Variants in SMYD3 observed in about 807,000 individuals in gnomAD.
SMYD3 encodes histone-lysine N-methyltransferase SMYD3.
A neutral mutation model predicts 57.7 loss-of-function variants in SMYD3; 36 were observed. The ratio of observed to expected loss-of-function variants is 0.62; its 90% CI spans 0.48 to 0.82. The LOEUF is 0.82. Ranked by LOEUF, SMYD3 falls within the 40% of genes least tolerant of loss-of-function variation. The pLI is 0.00. For missense variants in SMYD3, 515 were observed against 538.8 expected (o/e 0.96, Z 0.44); for synonymous variants, 211 against 195.0 (o/e 1.08, Z -0.68).
chr1:246,205,735 GC>G (rs1188305523), intron 5 of SMYD3, among the ~76,000 whole-genome samples: 1 of 146,056 alleles, frequency 6.8e-6, no homozygotes, highest in Admixed American at 6.6e-5. Context: ...CAGGAGAATC[GC>G]TTGAACCCAG....
chr1:245,994,905 T>C (rs1490958727), intron 5 of SMYD3, among the ~76,000 whole-genome samples: 1 of 151,836 alleles, frequency 6.6e-6, no homozygotes, highest in African/African-American at 2.4e-5. Flanking sequence ...GGTGGGTGGA[T>C]CACAAGGTCA....
chr1:246,325,430 T>C (rs957910401), intron 5 of SMYD3, among the ~76,000 whole-genome samples: 1 of 152,034 alleles, frequency 6.6e-6, no homozygotes, highest in African/African-American at 2.4e-5. Context: ...ATCTGATTAT[T>C]AACCTATATT....
chr1:246,275,854 T>C (rs1458441794), intron 5 of SMYD3, among the ~76,000 whole-genome samples: 1 of 151,784 alleles, frequency 6.6e-6, no homozygotes, highest in Non-Finnish European at 1.5e-5. Flanking sequence ...GAATACTAAC[T>C]CTGTTTTTTA....
At chr1:246,095,871 T>C (rs1306123542) in intron 5 of SMYD3, among the ~76,000 whole-genome samples, 1 of 152,112 alleles carries the variant, frequency 6.6e-6, no homozygotes, top group East Asian at 1.9e-4. Context: ...CAAGACCCTG[T>C]GTCAAAAAAA....
rs201426225 is a variant in SMYD3, at chr1:245,812,700, C to CAAAAAAAAAAAAAAAAAAAAAAA, written c.1076+45795_1076+45796insTTTTTTTTTTTTTTTTTTTTTTT. Reference sequence around the variant, plus strand: ...AAATTCTTACTTCTAAACAACAGTTCCAAAAAAAAAAAAAAAGAGAAAGAG... The same window carrying CAAAAAAAAAAAAAAAAAAAAAAA: ...AAATTCTTACTTCTAAACAACAGTTCAAAAAAAAAAAAAAAAAAAAAAACAAAAAAAAAAAAAAAGAGAAAGAG... On this transcript the variant is annotated intron_variant, in intron 10 of 11. Transcript: ENST00000490107. Among the ~76,000 whole-genome samples, 6 of 46,586 alleles carry CAAAAAAAAAAAAAAAAAAAAAAA rather than the reference C, an allele frequency of 1.3e-4. 1 individual carries two copies. Among genetic ancestry groups the CAAAAAAAAAAAAAAAAAAAAAAA allele is most frequent in the Admixed American group, 5.9e-4 (3 of 5,124 alleles). 30.6% of individuals were successfully genotyped at this position (46,586 alleles called of 152,430 possible).
chr1:246,270,824 G>A (rs2185354), intron 5 of SMYD3, among the ~76,000 whole-genome samples: 50,745 of 152,000 alleles, frequency 0.33, 9,344 homozygotes, highest in East Asian at 0.72. Flanking sequence ...ATTCTTTTGG[G>A]TACATACACA....
intron 5 of SMYD3, among the ~76,000 whole-genome samples, chr1:246,135,411 T>G (rs1451327901): frequency 6.6e-6 from 1 of 152,152 alleles, no homozygotes; most frequent in East Asian, 1.9e-4. Flanking sequence ...TGTTCTAAAA[T>G]GACAGAGGGG....
At chr1:246,185,808 G>T (rs572344426) in intron 5 of SMYD3, among the ~76,000 whole-genome samples, 1 of 152,236 alleles carries the variant, frequency 6.6e-6, no homozygotes, top group Non-Finnish European at 1.5e-5. Flanking sequence ...TTGTACAATG[G>T]TAATTTATGT....
intron 10 of SMYD3, among the ~76,000 whole-genome samples, chr1:245,850,645 G>T (rs539755347): frequency 6.6e-6 from 1 of 152,272 alleles, no homozygotes; most frequent in South Asian, 2.1e-4. Context: ...ACACTGCAGT[G>T]AGAAGTGTTT....
At position 246,062,385 on chromosome 1, in the gene SMYD3, C is replaced by T. The variant is rs1157064077; in HGVS notation, c.532-132448G>A. 2.6e-5 allele frequency among the ~76,000 whole-genome samples: 4 copies of T among 152,358 alleles called. No homozygotes were observed. In the South Asian group the frequency reaches 8.3e-4, roughly 32 times the overall value. ...GTGCTGAATTTAGAGCACCTCTCCA[C>T]AGTGACTGCAATTACAGAACTCCTA... is the stretch of plus-strand genomic sequence containing the variant. On this transcript the variant is annotated intron_variant, in intron 5 of 11. Coordinates refer to ENST00000490107, the MANE Select transcript of SMYD3 (RefSeq NM_001167740.2).
chr1:246,201,927 C>G (rs955169913), intron 5 of SMYD3, among the ~76,000 whole-genome samples: 4 of 151,588 alleles, frequency 2.6e-5, no homozygotes, highest in Non-Finnish European at 5.9e-5. Context: ...GCAGGAGAAT[C>G]GCTTGCACCC....
chr1:246,024,318 T>C (rs2059533650), intron 5 of SMYD3, among the ~76,000 whole-genome samples: 1 of 151,930 alleles, frequency 6.6e-6, no homozygotes, highest in Admixed American at 6.6e-5. Flanking sequence ...GGAAGAGAGA[T>C]ACAGGAAGTG....
chr1:245,809,505 GC>G (rs1171703391), intron 10 of SMYD3, among the ~76,000 whole-genome samples: 1 of 152,170 alleles, frequency 6.6e-6, no homozygotes, highest in Admixed American at 6.5e-5. Context: ...CCAAAGAAGT[GC>G]CCCTCCCTGA....
chr1:245,801,916 C>CA (rs112887538), intron 10 of SMYD3, among the ~76,000 whole-genome samples: 30,085 of 144,614 alleles, frequency 0.21, 3,945 homozygotes, highest in African/African-American at 0.38. Flanking sequence ...ACCAAAACAC[C>CA]AAAAAAAAAA....
rs1186497203 is a variant in SMYD3 at position 246,073,781 on chromosome 1, A to G, written c.532-143844T>C. Among the ~76,000 whole-genome samples, 4 of 152,164 alleles carry G rather than the reference A, an allele frequency of 2.6e-5. No individual in the cohort carries two copies. In the East Asian group the frequency reaches 7.7e-4, roughly 29 times the overall value. ...AATCTTTCAAAATTTCAACATTTGG[A>G]ATTATGGCATTCAAGATAGTGTCTC... On this transcript the variant is annotated intron_variant, in intron 5 of 11. Transcript: ENST00000490107.
intron 5 of SMYD3, among the ~76,000 whole-genome samples, chr1:246,217,123 G>C (rs537367483): frequency 6.6e-6 from 1 of 151,174 alleles, no homozygotes; most frequent in Admixed American, 6.6e-5. Flanking sequence ...AACCAAGCTT[G>C]TAGCCTAAAT....
At chr1:246,122,456 G>A (rs1250176639) in intron 5 of SMYD3, among the ~76,000 whole-genome samples, 3 of 152,148 alleles carry the variant, frequency 2.0e-5, no homozygotes, top group Non-Finnish European at 2.9e-5. Flanking sequence ...AGGTGTATTC[G>A]TATATGACAG....
chr1:246,233,008 A>C (rs1558334844), intron 5 of SMYD3, among the ~76,000 whole-genome samples: 1 of 136,340 alleles, frequency 7.3e-6, no homozygotes, highest in Non-Finnish European at 1.6e-5. Flanking sequence ...GCGCTCCTTC[A>C]ATTCACACTG....
chr1:246,471,259 T>C (rs1403516761), intron 1 of SMYD3, among the ~76,000 whole-genome samples: 1 of 152,210 alleles, frequency 6.6e-6, no homozygotes, highest in African/African-American at 2.4e-5. Flanking sequence ...AGTGCGGCTG[T>C]ATGATCATGG....
Sources: gnomAD v4.1 joint callset for allele counts (sites outside exome capture counted in the v4.1 genomes callset) on GRCh38, gnomAD v4.1.1 for gene constraint, MANE v1.5 for transcripts, NCBI Gene and HGNC (gene_info 2026-07-23, HGNC 2026-07-21) for gene names.